Variants in FBXW9 observed in about 807,000 individuals in gnomAD.
FBXW9 encodes the protein F-box and WD repeat domain containing 9, also known as F-box/WD repeat-containing protein 9.
FBXW9 carries 38 observed loss-of-function variants against 55.8 expected under a neutral mutation model. That is an observed-to-expected ratio of 0.68 (90% CI 0.53 to 0.89). The LOEUF (loss-of-function observed/expected upper bound fraction) is 0.89, where lower values mean the gene tolerates loss of function less well. FBXW9 is among the 40% of genes least tolerant of loss of function. The probability of loss-of-function intolerance (pLI) is 0.00; values close to 1 mark genes in which losing one functional copy is unlikely to be tolerated. For synonymous variants in FBXW9, 289 were observed against 278.2 expected (o/e 1.04, Z -0.38); for missense variants, 590 against 619.4 (o/e 0.95, Z 0.50).
intron 1 of FBXW9, 125 bp downstream of exon 1, chr19:12,696,048 C>T: frequency 9.7e-7 from 1 of 1,028,918 alleles, no homozygotes; most frequent in African/African-American, 1.7e-5. Flanking sequence ...CAGCCTGAGC[C>T]AGGACAGCCA....
At chr19:12,692,906 G>A (rs985543531) in intron 3 of FBXW9, among the ~76,000 whole-genome samples, 1 of 152,078 alleles carries the variant, frequency 6.6e-6, no homozygotes, top group Non-Finnish European at 1.5e-5. Context: ...GTGATTAAGA[G>A]TGTGGCCTCT....
At position 12,696,591 on chromosome 19, in the gene FBXW9, G is replaced by C. The variant is rs2025074794; in HGVS notation, c.-10C>G. The C allele has an allele frequency of 6.2e-7, 1 of 1,604,910 alleles. No individual in the cohort carries two copies. Among genetic ancestry groups the C allele is most frequent in the Non-Finnish European group, 8.5e-7 (1 of 1,179,188 alleles). On this transcript the variant is annotated 5_prime_UTR_variant, in exon 1 of 10. Coordinates refer to ENST00000393261, the MANE Select transcript of FBXW9 (RefSeq NM_032301.3). ...CTAGGGGAAGCTCCATTGCGACCGG[G>C]TGGGCGCTGCCGGCCTCGCGTCTTG...
chr19:12,690,245 A>T, intron 5 of FBXW9, 135 bp from the exon 6 acceptor site: 1 of 1,445,496 alleles, frequency 6.9e-7, no homozygotes, highest in Non-Finnish European at 9.4e-7. Context: ...CCACAGAGTG[A>T]CCCATCTCTC....
chr19:12,688,956 C>A lies in FBXW9; in HGVS notation c.*260G>T. On this transcript the variant is annotated 3_prime_UTR_variant, in exon 10 of 10. Coordinates refer to ENST00000393261, the MANE Select transcript of FBXW9 (RefSeq NM_032301.3). ...GTCAGGTTTATTTCTCCTTCGCTCT[C>A]AACTGAGAGCGGGGCATCCAAATCA... 1.5e-6 allele frequency: 1 copy of A among 658,712 alleles called. No individual in the cohort carries two copies. The highest frequency in any genetic ancestry group is 2.8e-6 in the Non-Finnish European group (1 of 356,694). The allele number at this position is 658,712 out of a possible 1,614,324, so 40.8% of individuals were successfully genotyped here.
chr19:12,696,116 A>G, intron 1 of FBXW9, 57 bp downstream of exon 1: 2 of 1,467,792 alleles, frequency 1.4e-6, no homozygotes, highest in East Asian at 2.5e-5. Flanking sequence ...CCCCGCCCCA[A>G]GCCTGACCTG....
chr19:12,696,162 GC>G lies in FBXW9; in HGVS notation c.409+10del, dbSNP rs1372485833. ...CCCGGCCCCCGGTCCCCGGCCCCCG[GC>G]CCCGCGCACCTTCCACCACTGGGTA... is the stretch of plus-strand genomic sequence containing the variant. On this transcript the variant is annotated intron_variant, in intron 1 of 9. Transcript: ENST00000393261. 3 of 1,512,518 alleles carry G rather than the reference GC, an allele frequency of 2.0e-6. No individual in the cohort carries two copies. In the East Asian group the frequency reaches 7.5e-5, roughly 38 times the overall value. 93.7% of individuals were successfully genotyped at this position (1,512,518 alleles called of 1,614,324 possible).
intron 3 of FBXW9, among the ~76,000 whole-genome samples, chr19:12,693,537 T>A (rs1274922371): frequency 0.14 from 1,384 of 10,094 alleles, 213 homozygotes; most frequent in Non-Finnish European, 0.18. Context: ...AAAATATATA[T>A]ATATATATAT....
Position 12,689,295 on chromosome 19 carries a change from G to A in FBXW9, c.1303-5C>T, listed in dbSNP as rs200592523. On this transcript the variant is annotated splice_region_variant and splice_polypyrimidine_tract_variant and intron_variant, in intron 9 of 9. Coordinates refer to ENST00000393261, the MANE Select transcript of FBXW9 (RefSeq NM_032301.3). The surrounding 1 kb of genome is among the most constrained non-coding windows in gnomAD (Gnocchi z 5.9). ...CAGGTTGCCCTCAGCACAGACCTGG[G>A]AAGGGGGAGGAACATGAGGAGTCAG... 1.9e-5 allele frequency: 31 copies of A among 1,614,226 alleles called. No homozygotes were observed. The highest frequency in any genetic ancestry group is 2.7e-5 in the African/African-American group (2 of 75,074).
At position 12,690,043 on chromosome 19, in the gene FBXW9, G is replaced by A. The variant is rs367629729; in HGVS notation, c.951C>T (p.Asp317=). ...CCTCGCTGCCTGAGATGATGTGCCG[G>A]TCATCCGCCAGCAGGGTCAGCACGG... ...SRPVLTLLAD[D]RHIISGSEDH... The change falls in exon 6 of 10, where the codon GAC becomes GAT. Residue 317 remains aspartate, a synonymous_variant. Coordinates refer to ENST00000393261, the MANE Select transcript of FBXW9 (RefSeq NM_032301.3). 4 of 1,614,076 alleles carry A rather than the reference G, an allele frequency of 2.5e-6. No individual in the cohort carries two copies. The highest frequency in any genetic ancestry group is 3.4e-6 in the Non-Finnish European group (4 of 1,180,028).
At chr19:12,691,918 G>A (rs2025014374) in intron 3 of FBXW9, among the ~76,000 whole-genome samples, 1 of 151,490 alleles carries the variant, frequency 6.6e-6, no homozygotes, top group African/African-American at 2.4e-5. Context: ...ACCACGCCCG[G>A]CTAATTTTTG....
Position 12,689,124 on chromosome 19 carries a change from C to A in FBXW9, c.*92G>T. On this transcript the variant is annotated 3_prime_UTR_variant, in exon 10 of 10. Transcript: ENST00000393261. This position sits in a 1 kb window ranked among gnomAD's most constrained non-coding sequence, Gnocchi z 5.9. ...CTCCTTGTGCCCTAGGCCCACGGGGCGGAGGCAGCACCAACATTGGGGATG... is the reference window on the plus strand; with the variant it reads ...CTCCTTGTGCCCTAGGCCCACGGGGAGGAGGCAGCACCAACATTGGGGATG... The A allele has an allele frequency of 9.6e-7, 1 of 1,042,812 alleles. No homozygotes were observed. Among genetic ancestry groups the A allele is most frequent in the Non-Finnish European group, 1.5e-6 (1 of 666,288 alleles). The allele number at this position is 1,042,812 out of a possible 1,614,324, so 64.6% of individuals were successfully genotyped here. A position where few individuals can be genotyped will look rare whatever the true frequency, so the allele number is the denominator to read the frequency against.
At chr19:12,690,238 CAG>C in intron 5 of FBXW9, 128 bp from the exon 6 acceptor site, 1 of 1,471,506 alleles carries the variant, frequency 6.8e-7, no homozygotes, top group Non-Finnish European at 9.2e-7. Flanking sequence ...CCCCACCCCA[CAG>C]AGTGACCCAT....
intron 5 of FBXW9, 31 bp downstream of exon 5, chr19:12,691,135 C>T: frequency 1.3e-6 from 2 of 1,591,780 alleles, no homozygotes; most frequent in Middle Eastern, 1.7e-4. Flanking sequence ...CATGACATCT[C>T]CCAACCTGGG....
intron 3 of FBXW9, among the ~76,000 whole-genome samples, chr19:12,693,012 G>T (rs1221241601): frequency 6.6e-6 from 1 of 152,138 alleles, no homozygotes; most frequent in Non-Finnish European, 1.5e-5. Flanking sequence ...ATATGCACAG[G>T]GTGCTGAATG....
At chr19:12,691,309 C>T (rs764855748) in intron 4 of FBXW9, 33 bp downstream of exon 4, 1 of 1,612,486 alleles carries the variant, frequency 6.2e-7, no homozygotes, top group Non-Finnish European at 8.5e-7. Context: ...AGGGTCCTAT[C>T]CCCGCAGGCC....
At chr19:12,691,488 A>C (rs566362111) in intron 3 of FBXW9, 34 bp from the exon 4 acceptor site, 140 of 1,506,914 alleles carry the variant, frequency 9.3e-5, no homozygotes, top group Non-Finnish European at 1.2e-4. Flanking sequence ...CACACCTGCC[A>C]CAGCCCATGG....
chr19:12,689,072 A>G lies in FBXW9; in HGVS notation c.*144T>C. On this transcript the variant is annotated 3_prime_UTR_variant, in exon 10 of 10. Transcript: ENST00000393261. This position sits in a 1 kb window ranked among gnomAD's most constrained non-coding sequence, Gnocchi z 5.9. ...TTCCCCCGGGCATAGGGCCCAGGCC[A>G]GGACGCTCACCCGAATGTGGCTGGG... 1.3e-6 allele frequency: 1 copy of G among 766,244 alleles called. No homozygotes were observed. The allele number at this position is 766,244 out of a possible 1,614,324, so 47.5% of individuals were successfully genotyped here.
At position 12,693,590 on chromosome 19, in the gene FBXW9, ACACACACACACAC is replaced by A; in HGVS notation, c.678+991_678+1003del. 2.4e-5 allele frequency among the ~76,000 whole-genome samples: 3 copies of A among 122,938 alleles called. 1 individual carries two copies. Among genetic ancestry groups the A allele is most frequent in the African/African-American group, 1.2e-4 (3 of 24,746 alleles). The allele number at this position is 122,938 out of a possible 152,430, so 80.7% of individuals were successfully genotyped here. A position where few individuals can be genotyped will look rare whatever the true frequency, so the allele number is the denominator to read the frequency against. ...CACACACACACACACACACACACAC[ACACACACACACAC>A]ACACAAAAGAAATTAGCTGGGCATG... is the stretch of plus-strand genomic sequence containing the variant. On this transcript the variant is annotated intron_variant, in intron 3 of 9. Coordinates refer to ENST00000393261, the MANE Select transcript of FBXW9 (RefSeq NM_032301.3).
chr19:12,693,501 GAAAAAAAAAAAAA>G (rs1214446276), intron 3 of FBXW9, among the ~76,000 whole-genome samples: 78 of 2,114 alleles, frequency 0.037, no homozygotes, highest in African/African-American at 0.067. Flanking sequence ...TCTACTAAAG[GAAAAAAAAAAAAA>G]AAAAAAAAAA....
Sources: allele counts gnomAD v4.1 joint callset (sites outside exome capture counted in the v4.1 genomes callset), GRCh38; gene constraint gnomAD v4.1.1; non-coding constraint Gnocchi (gnomAD v3.1); transcripts MANE v1.5; gene names NCBI Gene and HGNC (gene_info 2026-07-23, HGNC 2026-07-21).